The following SUSD1 variants were observed in gnomAD, a reference collection of about 807,000 sequenced individuals.
SUSD1 encodes sushi domain-containing protein 1.
Under a neutral mutation model 86.9 loss-of-function variants are expected in SUSD1, and 65 were observed. The ratio of observed to expected loss-of-function variants is 0.75; its 90% CI spans 0.61 to 0.92. The LOEUF is 0.92. SUSD1 is among the 40% of genes least tolerant of loss of function. The probability of loss-of-function intolerance (pLI) is 0.00; values close to 1 mark genes in which losing one functional copy is unlikely to be tolerated. For missense variants in SUSD1, 850 were observed against 929.7 expected, an observed-to-expected ratio of 0.91 and a Z score of 1.11; for synonymous variants, 346 against 350.0, an observed-to-expected ratio of 0.99 and a Z score of 0.13.
Position 112,149,417 on chromosome 9 carries a change from A to G in SUSD1, c.218-18T>C, listed in dbSNP as rs766910798. On this transcript the variant is annotated intron_variant, in intron 2 of 16. Transcript: ENST00000374270. ...ATTTTTATCTGTTGACACACAGACA[A>G]GGCACCGGAAGAGCTATCAATCCAC... The G allele has an allele frequency of 6.2e-7, 1 of 1,611,888 alleles. No homozygotes were observed. Among genetic ancestry groups the G allele is most frequent in the Non-Finnish European group, 8.5e-7 (1 of 1,178,846 alleles).
At chr9:112,071,259 T>A (rs1829255407) in intron 12 of SUSD1, among the ~76,000 whole-genome samples, 1 of 152,086 alleles carries the variant, frequency 6.6e-6, no homozygotes, top group Admixed American at 6.6e-5. Context: ...CTCAGGAGTT[T>A]GAGACCAGCC....
At chr9:112,088,044 T>C (rs747071224) in intron 10 of SUSD1, among the ~76,000 whole-genome samples, 3 of 152,164 alleles carry the variant, frequency 2.0e-5, no homozygotes, top group Non-Finnish European at 4.4e-5. Context: ...AAAAGCTACA[T>C]AGAAAGCAAG....
chr9:112,066,294 CTT>C (rs1828976344), intron 12 of SUSD1, among the ~76,000 whole-genome samples: 1 of 152,028 alleles, frequency 6.6e-6, no homozygotes, highest in Admixed American at 6.6e-5. Flanking sequence ...CCAAGGATCT[CTT>C]AATTAGCAAG....
At chr9:112,085,290 C>T (rs947835671) in intron 10 of SUSD1, among the ~76,000 whole-genome samples, 1 of 152,140 alleles carries the variant, frequency 6.6e-6, no homozygotes, top group East Asian at 1.9e-4. Context: ...GTTTTAAAAA[C>T]AAGGGAGTAT....
At chr9:112,100,560 A>G (rs1830591866) in intron 9 of SUSD1, among the ~76,000 whole-genome samples, 1 of 152,060 alleles carries the variant, frequency 6.6e-6, no homozygotes, top group Admixed American at 6.6e-5. Flanking sequence ...TGGCCTGGCA[A>G]GTAGCTCACA....
At position 112,125,128 on chromosome 9, in the gene SUSD1, T is replaced by A. The variant is rs190792854; in HGVS notation, c.707-692A>T. Among the ~76,000 whole-genome samples, 5 of 152,110 alleles carry A rather than the reference T, an allele frequency of 3.3e-5. No homozygotes were observed. In the East Asian group the frequency reaches 7.7e-4, roughly 23 times the overall value. Reference sequence around the variant, plus strand: ...GAATTTTAAAAAATCGATCCGTTTATCTTTTCTGGGAAAAAAAAATCGAAA... The same window carrying A: ...GAATTTTAAAAAATCGATCCGTTTAACTTTTCTGGGAAAAAAAAATCGAAA... On this transcript the variant is annotated intron_variant, in intron 5 of 16. Transcript: ENST00000374270.
intron 2 of SUSD1, among the ~76,000 whole-genome samples, chr9:112,149,886 G>T (rs1832970005): frequency 6.6e-6 from 1 of 152,156 alleles, no homozygotes; most frequent in Non-Finnish European, 1.5e-5. Flanking sequence ...TCCGGAGCAG[G>T]GCTAATGCAG....
chr9:112,073,822 G>A (rs966101740), intron 12 of SUSD1, among the ~76,000 whole-genome samples: 3 of 152,024 alleles, frequency 2.0e-5, no homozygotes, highest in Non-Finnish European at 2.9e-5. Flanking sequence ...GAACCTGGGA[G>A]GCAGAGGTTG....
At chr9:112,159,553 G>C (rs577908859) in intron 1 of SUSD1, among the ~76,000 whole-genome samples, 1 of 152,152 alleles carries the variant, frequency 6.6e-6, no homozygotes, top group Non-Finnish European at 1.5e-5. Context: ...AATGTTAAAG[G>C]CTGAATTATC....
At chr9:112,071,510 T>C (rs1829269797) in intron 12 of SUSD1, among the ~76,000 whole-genome samples, 1 of 152,104 alleles carries the variant, frequency 6.6e-6, no homozygotes, top group Admixed American at 6.5e-5. Context: ...GAGTAGGAAT[T>C]TGTAATATTT....
At chr9:112,078,767 A>C in intron 11 of SUSD1, 43 bp from the exon 12 acceptor site, 1 of 1,571,960 alleles carries the variant, frequency 6.4e-7, no homozygotes, top group Non-Finnish European at 8.7e-7. Flanking sequence ...TTGGCCTAAA[A>C]GGCTTTAGAT....
chr9:112,146,967 T>G (rs1320550896), intron 3 of SUSD1, among the ~76,000 whole-genome samples: 1 of 152,108 alleles, frequency 6.6e-6, no homozygotes, highest in Non-Finnish European at 1.5e-5. Flanking sequence ...TGAATTCATC[T>G]CTTGGAACTA....
rs199862654 is a variant in SUSD1, at chr9:112,072,134, CTT to C, written c.1753+6402_1753+6403del. ...TATTTTTATTCTTTTTTATTTCTTTCTTTCTCTTTTTTTTTTTTTTTTGTTTT... is the reference window on the plus strand; with the variant it reads ...TATTTTTATTCTTTTTTATTTCTTTCTCTCTTTTTTTTTTTTTTTTGTTTT... On this transcript the variant is annotated intron_variant, in intron 12 of 16. Coordinates refer to ENST00000374270, the MANE Select transcript of SUSD1 (RefSeq NM_022486.5). 1.7e-3 allele frequency among the ~76,000 whole-genome samples: 239 copies of C among 140,556 alleles called. 1 individual carries two copies. Among genetic ancestry groups the C allele is most frequent in the African/African-American group, 5.7e-3 (218 of 37,928 alleles). 92.2% of individuals were successfully genotyped at this position (140,556 alleles called of 152,430 possible). A position where few individuals can be genotyped will look rare whatever the true frequency, so the allele number is the denominator to read the frequency against.
chr9:112,172,057 G>A (rs1456511160), intron 1 of SUSD1, among the ~76,000 whole-genome samples: 1 of 152,016 alleles, frequency 6.6e-6, no homozygotes. Context: ...TTTGCTAGGT[G>A]TGGTGGTGCA....
chr9:112,111,339 C>A (rs557505293), intron 8 of SUSD1, among the ~76,000 whole-genome samples: 107 of 152,244 alleles, frequency 7.0e-4, no homozygotes, highest in African/African-American at 2.4e-3. Flanking sequence ...CACATGGCTA[C>A]CCTCTGTTGC....
chr9:112,138,282 A>ATAT (rs1832401848), intron 5 of SUSD1, among the ~76,000 whole-genome samples: 1 of 13,146 alleles, frequency 7.6e-5, no homozygotes, highest in African/African-American at 2.6e-4. Flanking sequence ...TATATATATG[A>ATAT]AGTCCAGGAT....
At position 112,102,293 on chromosome 9, in the gene SUSD1, AC is replaced by A; in HGVS notation, c.1172-9del. The A allele has an allele frequency of 6.7e-7, 1 of 1,490,804 alleles. No individual in the cohort carries two copies. The highest frequency in any genetic ancestry group is 9.2e-7 in the Non-Finnish European group (1 of 1,084,406). 92.3% of individuals were successfully genotyped at this position (1,490,804 alleles called of 1,614,324 possible). On this transcript the variant is annotated splice_polypyrimidine_tract_variant and intron_variant, in intron 8 of 16. Transcript: ENST00000374270. ...CTTCTAAGAGATCAACTTCTAAAAG[AC>A]AAGAGAGAGAGTTATAGACAGCTTG...
chr9:112,084,949 T>C (rs530736793), intron 10 of SUSD1, among the ~76,000 whole-genome samples: 1 of 152,204 alleles, frequency 6.6e-6, no homozygotes, highest in South Asian at 2.1e-4. Flanking sequence ...GCAAAATCAA[T>C]CACTATTTCC....
intron 2 of SUSD1, 60 bp downstream of exon 2, chr9:112,157,440 T>C (rs1833376061): frequency 1.6e-6 from 2 of 1,220,090 alleles, no homozygotes; most frequent in East Asian, 2.3e-5. Flanking sequence ...AACTCTTTAA[T>C]ACAAGAGAAT....
Sources: allele counts gnomAD v4.1 joint callset (sites outside exome capture counted in the v4.1 genomes callset), GRCh38; gene constraint gnomAD v4.1.1; transcripts MANE v1.5; gene names NCBI Gene and HGNC (gene_info 2026-07-23, HGNC 2026-07-21).